Variants in CELF2 observed in about 807,000 individuals in gnomAD.
The protein encoded by CELF2 is CUGBP Elav-like family member 2, also known as CUG triplet repeat RNA-binding protein 2.
Under a neutral mutation model 62.6 loss-of-function variants are expected in CELF2, and 8 were observed. The observed-to-expected ratio is 0.13, with a 90% CI of 0.07 to 0.23. The LOEUF is 0.23. CELF2 is among the 10% of genes least tolerant of loss of function. The pLI is 1.00. For missense variants in CELF2, 333 were observed against 671.0 expected (o/e 0.50, Z 5.56); for synonymous variants, 258 against 250.0 (o/e 1.03, Z -0.30).
chr10:10,971,752 A>G (rs1018909150), intron 2 of CELF2, among the ~76,000 whole-genome samples: 1 of 151,912 alleles, frequency 6.6e-6, no homozygotes, highest in Non-Finnish European at 1.5e-5. Context: ...GTGCCTGGCT[A>G]ATTTTTGTAT....
the CELF2 span, among the ~76,000 whole-genome samples, chr10:10,707,411 C>T: frequency 6.6e-6 from 1 of 152,004 alleles, no homozygotes; most frequent in Admixed American, 6.6e-5. Context: ...ATTGTTCACC[C>T]AAATGAAGTA....
At chr10:11,148,854 A>G (rs2062758736) in intron 1 of CELF2, among the ~76,000 whole-genome samples, 1 of 110,240 alleles carries the variant, frequency 9.1e-6, no homozygotes, top group Admixed American at 1.3e-4. Context: ...ACACACACAC[A>G]CACACACACA....
intron 1 of CELF2, among the ~76,000 whole-genome samples, chr10:11,047,211 C>T (rs770658379): frequency 2.0e-5 from 3 of 152,082 alleles, no homozygotes; most frequent in Admixed American, 6.5e-5. Context: ...TATTAAAGAC[C>T]TGTAAATATC....
intron 1 of CELF2, among the ~76,000 whole-genome samples, chr10:10,842,340 G>A (rs1005497984): frequency 1.3e-5 from 2 of 151,984 alleles, no homozygotes; most frequent in Non-Finnish European, 2.9e-5. Flanking sequence ...GAATCAGAGT[G>A]ATAAGAAAGG....
chr10:11,038,599 C>T (rs1593722091), intron 1 of CELF2, among the ~76,000 whole-genome samples: 2 of 152,134 alleles, frequency 1.3e-5, no homozygotes, highest in African/African-American at 4.8e-5. Context: ...TAATCAACTA[C>T]TATGCAGTAC....
chr10:11,021,881 C>G (rs1377335911), intron 1 of CELF2, among the ~76,000 whole-genome samples: 1 of 152,214 alleles, frequency 6.6e-6, no homozygotes, highest in African/African-American at 2.4e-5. Context: ...GTCACCTGAT[C>G]AGGATTGATG....
At chr10:11,265,485 G>A (rs1188508263) in intron 5 of CELF2, among the ~76,000 whole-genome samples, 1 of 152,254 alleles carries the variant, frequency 6.6e-6, no homozygotes, top group Non-Finnish European at 1.5e-5. Context: ...GAGATCATAA[G>A]TGAAATAAGT....
rs2050666405 is a variant in CELF2 at position 11,098,867 on chromosome 10, A to C, written c.75-66619A>C. On this transcript the variant is annotated intron_variant, in intron 1 of 12. Transcript: ENST00000633077. This position sits in a 1 kb window ranked among gnomAD's most constrained non-coding sequence, Gnocchi z 4.0. ...TGGGCAGCAGGCCACGCGTGAGAGC[A>C]GCTTCCCCGAACCTCTCTCATCCCC... 6.6e-6 allele frequency among the ~76,000 whole-genome samples: 1 copy of C among 152,234 alleles called. No homozygotes were observed.
chr10:11,187,504 G>T (rs2075254618), intron 2 of CELF2, among the ~76,000 whole-genome samples: 1 of 152,042 alleles, frequency 6.6e-6, no homozygotes, highest in East Asian at 1.9e-4. Flanking sequence ...TAATTGGAGT[G>T]TTTAGATAAT....
At chr10:10,820,548 T>C (rs2056871432) in intron 1 of CELF2, among the ~76,000 whole-genome samples, 1 of 152,196 alleles carries the variant, frequency 6.6e-6, no homozygotes, top group African/African-American at 2.4e-5. Flanking sequence ...ATTTACTGCC[T>C]AGTCAGAAAA....
the CELF2 span, among the ~76,000 whole-genome samples, chr10:10,592,066 T>C: frequency 6.6e-6 from 1 of 151,504 alleles, no homozygotes; most frequent in Middle Eastern, 3.4e-3. Flanking sequence ...AAGTGTGGAG[T>C]ACCGACCTAT....
the CELF2 span, among the ~76,000 whole-genome samples, chr10:10,692,247 A>T: frequency 4.0e-5 from 6 of 150,544 alleles, no homozygotes; most frequent in African/African-American, 1.2e-4. Flanking sequence ...TTTTCCCAGC[A>T]CCATTTATTA....
At chr10:10,780,513 G>A in the CELF2 span, among the ~76,000 whole-genome samples, 1,427 of 152,010 alleles carry the variant, frequency 9.4e-3, 19 homozygotes, top group African/African-American at 0.026. Context: ...ATGGAGTCTC[G>A]CTCTGTTGCC....
At chr10:11,074,364 C>G (rs1225078247) in intron 1 of CELF2, among the ~76,000 whole-genome samples, 1 of 152,206 alleles carries the variant, frequency 6.6e-6, no homozygotes, top group Non-Finnish European at 1.5e-5. Flanking sequence ...TTGGAAGTTA[C>G]TTAGTGACTG....
At chr10:10,956,995 C>A (rs538295201) in intron 2 of CELF2, among the ~76,000 whole-genome samples, 1 of 152,000 alleles carries the variant, frequency 6.6e-6, no homozygotes, top group African/African-American at 2.4e-5. Flanking sequence ...GATTTCAGGT[C>A]CTCTTAGAAT....
At chr10:10,493,734 G>A in the CELF2 span, among the ~76,000 whole-genome samples, 3 of 152,102 alleles carry the variant, frequency 2.0e-5, no homozygotes, top group East Asian at 1.9e-4. Flanking sequence ...GTTTCACCAC[G>A]TTGGCCAGGC....
intron 1 of CELF2, among the ~76,000 whole-genome samples, chr10:11,144,914 A>AAAAAAAAAG (rs2061991079): frequency 6.7e-6 from 1 of 149,988 alleles, no homozygotes. Context: ...AAAAAAAAAA[A>AAAAAAAAAG]AAAAAAAAAG....
chr10:10,603,443 G>A, the CELF2 span, among the ~76,000 whole-genome samples: 5 of 152,136 alleles, frequency 3.3e-5, no homozygotes, highest in African/African-American at 7.2e-5. Context: ...TGAGATGAAG[G>A]CTCAAATTGC....
Position 11,246,110 on chromosome 10 carries a change from G to T in CELF2, c.355-3043G>T, listed in dbSNP as rs561148725. On this transcript the variant is annotated intron_variant, in intron 3 of 12. Coordinates refer to ENST00000633077, the MANE Select transcript of CELF2 (RefSeq NM_001326342.2). The surrounding 1 kb of genome is among the most constrained non-coding windows in gnomAD (Gnocchi z 4.6). ...CGAATTTCCACCTGCCATCATCCAC[G>T]CATTTCACAGATGCATCTGAATGCT... Among the ~76,000 whole-genome samples the T allele has an allele frequency of 4.6e-5, 7 of 152,020 alleles. No homozygotes were observed. Among genetic ancestry groups the T allele is most frequent in the Admixed American group, 2.6e-4 (4 of 15,272 alleles).
Sources: allele counts gnomAD v4.1 joint callset (sites outside exome capture counted in the v4.1 genomes callset), GRCh38; gene constraint gnomAD v4.1.1; non-coding constraint Gnocchi (gnomAD v3.1); transcripts MANE v1.5; gene names NCBI Gene and HGNC (gene_info 2026-07-23, HGNC 2026-07-21).